GALNTL6: variants seen among roughly 807,000 people sequenced by gnomAD.
GALNTL6 encodes polypeptide N-acetylgalactosaminyltransferase-like 6.
GALNTL6 carries 46 observed loss-of-function variants against 73.7 expected under a neutral mutation model. That is an observed-to-expected ratio of 0.62 (90% CI 0.49 to 0.80). The LOEUF (loss-of-function observed/expected upper bound fraction) is 0.80. Among genes scored for constraint, GALNTL6 ranks in the 30% least tolerant of loss-of-function variants. The pLI, the probability that GALNTL6 is intolerant of heterozygous loss-of-function variation, is 0.00. For synonymous variants in GALNTL6, 259 were observed against 263.7 expected (o/e 0.98, Z 0.17); for missense variants, 604 against 755.0 (o/e 0.80, Z 2.34).
chr4:172,807,907 C>T (rs1741060986), intron 5 of GALNTL6, among the ~76,000 whole-genome samples: 1 of 152,180 alleles, frequency 6.6e-6, no homozygotes, highest in Non-Finnish European at 1.5e-5. Context: ...ACTGCAACCT[C>T]CACCTCCCGG....
chr4:172,508,482 G>T (rs1734408726), intron 5 of GALNTL6, among the ~76,000 whole-genome samples: 1 of 53,732 alleles, frequency 1.9e-5, no homozygotes, highest in Non-Finnish European at 4.3e-5. Flanking sequence ...CTTCTTTAGT[G>T]GTGATTTCTG....
At chr4:172,683,464 G>A (rs1468765012) in intron 5 of GALNTL6, among the ~76,000 whole-genome samples, 1 of 152,140 alleles carries the variant, frequency 6.6e-6, no homozygotes, top group Non-Finnish European at 1.5e-5. Flanking sequence ...TGCCACAGTG[G>A]TTACAATAAT....
At chr4:172,118,365 G>A (rs1275205057) in intron 2 of GALNTL6, among the ~76,000 whole-genome samples, 1 of 151,952 alleles carries the variant, frequency 6.6e-6, no homozygotes, top group Non-Finnish European at 1.5e-5. Context: ...ATAATTATAG[G>A]AAATTCAAAA....
At chr4:172,664,329 T>G (rs56733854) in intron 5 of GALNTL6, among the ~76,000 whole-genome samples, 2,855 of 152,318 alleles carry the variant, frequency 0.019, 81 homozygotes, top group African/African-American at 0.064. Flanking sequence ...ATTTTAAAAT[T>G]TCAAACAGCC....
chr4:172,334,468 G>T (rs1741238999), intron 4 of GALNTL6, among the ~76,000 whole-genome samples: 1 of 151,930 alleles, frequency 6.6e-6, no homozygotes, highest in Admixed American at 6.6e-5. Context: ...TCACATCTTT[G>T]GTAAAATTTA....
chr4:172,782,594 C>A (rs1443975731), intron 5 of GALNTL6, among the ~76,000 whole-genome samples: 1 of 152,012 alleles, frequency 6.6e-6, no homozygotes, highest in Non-Finnish European at 1.5e-5. Flanking sequence ...AATCTATCTC[C>A]CCCAACCCCC....
At chr4:172,297,200 G>A (rs1229349866) in intron 3 of GALNTL6, among the ~76,000 whole-genome samples, 1 of 151,900 alleles carries the variant, frequency 6.6e-6, no homozygotes, top group Non-Finnish European at 1.5e-5. Context: ...CATTGTTGAT[G>A]GGGTTGTTTT....
chr4:172,698,376 C>A (rs1354133009), intron 5 of GALNTL6, among the ~76,000 whole-genome samples: 1 of 152,118 alleles, frequency 6.6e-6, no homozygotes, highest in Non-Finnish European at 1.5e-5. Flanking sequence ...AGTTTTGGCT[C>A]CTCCCATAGC....
chr4:171,975,649 A>G (rs1211414327), intron 2 of GALNTL6, among the ~76,000 whole-genome samples: 1 of 152,188 alleles, frequency 6.6e-6, no homozygotes, highest in African/African-American at 2.4e-5. Context: ...CTAGACCTAA[A>G]GAGAATAAAA....
intron 5 of GALNTL6, among the ~76,000 whole-genome samples, chr4:172,637,751 G>T (rs1054480941): frequency 1.3e-5 from 2 of 152,056 alleles, no homozygotes; most frequent in Non-Finnish European, 2.9e-5. Context: ...AAGTTCTTAA[G>T]TTCTACATCT....
chr4:172,764,211 G>A (rs934063948), intron 5 of GALNTL6, among the ~76,000 whole-genome samples: 1 of 152,160 alleles, frequency 6.6e-6, no homozygotes, highest in African/African-American at 2.4e-5. Flanking sequence ...GCCCGCCTTC[G>A]TCTCCCAAAG....
At chr4:172,930,555 A>G (rs1311779279) in intron 8 of GALNTL6, among the ~76,000 whole-genome samples, 3 of 152,224 alleles carry the variant, frequency 2.0e-5, no homozygotes, top group Non-Finnish European at 2.9e-5. Context: ...ACAAATATCT[A>G]TATAAATAAG....
intron 2 of GALNTL6, among the ~76,000 whole-genome samples, chr4:172,087,337 C>A (rs192977904): frequency 0.02 from 3,039 of 150,004 alleles, 33 homozygotes; most frequent in Non-Finnish European, 0.03. Context: ...CCCAGCTACT[C>A]GGGAGGCTGA....
At chr4:172,056,211 A>G (rs766744064) in intron 2 of GALNTL6, among the ~76,000 whole-genome samples, 1 of 152,168 alleles carries the variant, frequency 6.6e-6, no homozygotes, top group Non-Finnish European at 1.5e-5. Flanking sequence ...TTGTTTACAT[A>G]CTTGAACTTA....
chr4:172,304,870 CTCT>C (rs1740071164), intron 3 of GALNTL6, among the ~76,000 whole-genome samples: 1 of 152,162 alleles, frequency 6.6e-6, no homozygotes, highest in South Asian at 2.1e-4. Context: ...TAATTCTCTA[CTCT>C]TCTTCCAATG....
chr4:171,988,595 A>G (rs1740197797), intron 2 of GALNTL6, among the ~76,000 whole-genome samples: 1 of 152,194 alleles, frequency 6.6e-6, no homozygotes, highest in African/African-American at 2.4e-5. Context: ...CGGGGTGGAT[A>G]GGCAAAACAA....
intron 2 of GALNTL6, among the ~76,000 whole-genome samples, chr4:171,904,087 CT>C (rs1231869659): frequency 2.0e-5 from 3 of 152,148 alleles, no homozygotes; most frequent in Non-Finnish European, 4.4e-5. Flanking sequence ...AGCAGAGCGC[CT>C]CTCCTCCTCC....
In GALNTL6 at chr4:173,022,189, GAGGAAGGAAGGAAGGA is replaced by G. The variant is rs35151291; in HGVS notation, c.1638+587_1638+602del. Among the ~76,000 whole-genome samples the G allele has an allele frequency of 9.9e-4, 133 of 134,368 alleles. 1 individual carries two copies. Among genetic ancestry groups the G allele is most frequent in the African/African-American group, 2.8e-3 (100 of 36,312 alleles). The allele number at this position is 134,368 out of a possible 152,430, so 88.2% of individuals were successfully genotyped here. A position where few individuals can be genotyped will look rare whatever the true frequency, so the allele number is the denominator to read the frequency against. ...GCAGGAAGGGAGAGAGGGAGGGAGGGAGGAAGGAAGGAAGGAAGGAAGGAAGGAAGGAAGGAAGTTT... is the reference window on the plus strand; with the variant it reads ...GCAGGAAGGGAGAGAGGGAGGGAGGGAGGAAGGAAGGAAGGAAGGAAGTTT... On this transcript the variant is annotated intron_variant, in intron 12 of 12. Coordinates refer to ENST00000506823, the MANE Select transcript of GALNTL6 (RefSeq NM_001034845.3).
intron 5 of GALNTL6, among the ~76,000 whole-genome samples, chr4:172,472,231 A>G (rs1005998574): frequency 6.6e-6 from 1 of 152,152 alleles, no homozygotes; most frequent in African/African-American, 2.4e-5. Flanking sequence ...TTCTAGTTTG[A>G]TTCTCATGCT....
Sources: allele counts gnomAD v4.1 joint callset (sites outside exome capture counted in the v4.1 genomes callset), GRCh38; gene constraint gnomAD v4.1.1; transcripts MANE v1.5; gene names NCBI Gene and HGNC (gene_info 2026-07-23, HGNC 2026-07-21).